Variants in MOB1A observed in about 807,000 individuals in gnomAD.
MOB1A encodes the protein MOB kinase activator 1A.
In MOB1A, 10 loss-of-function variants were observed where a neutral mutation model predicts 25.1. The ratio of observed to expected loss-of-function variants is 0.40; its 90% confidence interval spans 0.25 to 0.68. The LOEUF is 0.68. Ranked by LOEUF, MOB1A falls within the 30% of genes least tolerant of loss-of-function variation. The pLI, the probability that MOB1A is intolerant of heterozygous loss-of-function variation, is 0.40. For synonymous variants in MOB1A, 81 were observed against 79.5 expected (o/e 1.02, Z -0.10); for missense variants, 177 against 256.3 (o/e 0.69, Z 2.11).
intron 4 of MOB1A, chr2:74,164,431 C>T (rs828893): frequency 0.63 from 95,268 of 151,900 alleles, 31,201 homozygotes; most frequent in African/African-American, 0.82. Context: ...GGCATGAGAA[C>T]TGCTTGAACC....
At chr2:74,173,376 G>GTTT (rs35382378) in intron 1 of MOB1A, among the ~76,000 whole-genome samples, 1,015 of 93,238 alleles carry the variant, frequency 0.011, 30 homozygotes, top group Admixed American at 0.03. Flanking sequence ...CTCAATTTCG[G>GTTT]TTTTTTTTTT....
intron 2 of MOB1A, among the ~76,000 whole-genome samples, chr2:74,169,429 G>T (rs1453137295): frequency 6.6e-6 from 1 of 152,116 alleles, no homozygotes; most frequent in East Asian, 1.9e-4. Context: ...TTGAAGCCAG[G>T]AGGCAGCTGC....
chr2:74,178,144 A>C (rs1176365321), intron 1 of MOB1A: 1 of 152,396 alleles, frequency 6.6e-6, no homozygotes, highest in African/African-American at 2.4e-5. Context: ...TTAAAATCAA[A>C]GCCAGTAAGT....
chr2:74,173,376 GTTTTTT>G (rs35382378), intron 1 of MOB1A, among the ~76,000 whole-genome samples: 11 of 93,330 alleles, frequency 1.2e-4, no homozygotes, highest in Admixed American at 1.1e-3. Context: ...CTCAATTTCG[GTTTTTT>G]TTTTTTTTTT....
intron 3 of MOB1A, among the ~76,000 whole-genome samples, chr2:74,165,906 C>T (rs1351490028): frequency 2.0e-5 from 3 of 152,106 alleles, no homozygotes; most frequent in Non-Finnish European, 4.4e-5. Context: ...ATTTTCATTT[C>T]TTTTAAAGCT....
At chr2:74,171,416 T>C (rs1428953021) in intron 2 of MOB1A, among the ~76,000 whole-genome samples, 1 of 152,244 alleles carries the variant, frequency 6.6e-6, no homozygotes, top group Non-Finnish European at 1.5e-5. Flanking sequence ...TTACAAGTTC[T>C]TGTCTTTTAG....
rs1196619895 is a variant in MOB1A at position 74,155,816 on chromosome 2, A to T, written c.*752T>A. ...GCTTTTCAGTTTAAAAGCCTGGAAG[A>T]CCATCCTTAGAAGACATTAAAAAAT... On this transcript the variant is annotated 3_prime_UTR_variant, in exon 6 of 6. Transcript: ENST00000396049. 6.6e-6 allele frequency: 1 copy of T among 152,372 alleles called. No homozygotes were observed. Among genetic ancestry groups the T allele is most frequent in the Admixed American group, 6.5e-5 (1 of 15,276 alleles). 9.4% of individuals were successfully genotyped at this position (152,372 alleles called of 1,614,324 possible).
At chr2:74,174,849 A>G (rs1693404600) in intron 1 of MOB1A, among the ~76,000 whole-genome samples, 1 of 152,264 alleles carries the variant, frequency 6.6e-6, no homozygotes, top group Admixed American at 6.5e-5. Context: ...AAGGAGATGA[A>G]TAGGCAATTC....
intron 4 of MOB1A, chr2:74,164,558 T>G (rs1558833965): frequency 1.3e-5 from 2 of 151,978 alleles, no homozygotes; most frequent in African/African-American, 2.4e-5. Context: ...GAATAAATAT[T>G]TTTATAATCT....
intron 2 of MOB1A, among the ~76,000 whole-genome samples, chr2:74,168,505 T>C (rs936855206): frequency 3.9e-5 from 6 of 152,150 alleles, no homozygotes; most frequent in Non-Finnish European, 5.9e-5. Context: ...TAGTTAGCCA[T>C]GGTGGCACAC....
chr2:74,170,075 G>A (rs1018783298), intron 2 of MOB1A, among the ~76,000 whole-genome samples: 3 of 152,108 alleles, frequency 2.0e-5, no homozygotes, highest in Admixed American at 2.0e-4. Flanking sequence ...TAAGGCTGAA[G>A]GTCAATAAAT....
At chr2:74,170,505 T>A in intron 2 of MOB1A, among the ~76,000 whole-genome samples, 1 of 150,848 alleles carries the variant, frequency 6.6e-6, no homozygotes, top group Non-Finnish European at 1.5e-5. Flanking sequence ...GAGGCCATGG[T>A]GGGTGGATTA....
intron 2 of MOB1A, among the ~76,000 whole-genome samples, chr2:74,170,541 C>A (rs1241115817): frequency 6.6e-6 from 1 of 151,550 alleles, no homozygotes; most frequent in Non-Finnish European, 1.5e-5. Flanking sequence ...TCGAGACCAG[C>A]CTGGCTAACA....
chr2:74,158,196 A>G (rs199967872), intron 5 of MOB1A, among the ~76,000 whole-genome samples: 19 of 119,372 alleles, frequency 1.6e-4, no homozygotes, highest in African/African-American at 4.0e-4. Context: ...AAAAAAAAAG[A>G]GGGGGGAAAA....
At chr2:74,156,743 G>T in intron 5 of MOB1A, 98 bp from the exon 6 acceptor site, 2 of 789,396 alleles carry the variant, frequency 2.5e-6, no homozygotes, top group South Asian at 3.3e-5. Context: ...GTTTTCTGAA[G>T]TCCAAAAGAA....
intron 4 of MOB1A, among the ~76,000 whole-genome samples, chr2:74,160,604 G>A (rs1309334289): frequency 6.6e-6 from 1 of 152,160 alleles, no homozygotes; most frequent in Non-Finnish European, 1.5e-5. Context: ...GGGAGGCTGA[G>A]GCAGAGAATT....
chr2:74,165,578 C>T (rs75182805), intron 3 of MOB1A, among the ~76,000 whole-genome samples: 4 of 152,262 alleles, frequency 2.6e-5, no homozygotes, highest in Non-Finnish European at 5.9e-5. Context: ...GAGGCAATGC[C>T]AGGATAGATG....
chr2:74,163,132 G>A (rs1693020795), intron 4 of MOB1A, among the ~76,000 whole-genome samples: 1 of 152,160 alleles, frequency 6.6e-6, no homozygotes, highest in African/African-American at 2.4e-5. Context: ...ACGGATGTCT[G>A]CCATCATCAC....
At position 74,168,045 on chromosome 2, in the gene MOB1A, G is replaced by A. The variant is rs145919770; in HGVS notation, c.182-938C>T. On this transcript the variant is annotated intron_variant, in intron 2 of 5. Coordinates refer to ENST00000396049, the MANE Select transcript of MOB1A (RefSeq NM_018221.5). ...TCCCAGCTATGTAGGAGGCTGAGGC[G>A]AGAGGACTGCTTGAGCCCAGGAGGC... Among the ~76,000 whole-genome samples the A allele has an allele frequency of 6.4e-3, 977 of 152,260 alleles. 11 individuals carry two copies. Among genetic ancestry groups the A allele is most frequent in the Non-Finnish European group, 8.0e-3 (546 of 68,020 alleles).
Sources: gnomAD v4.1 joint callset for allele counts (sites outside exome capture counted in the v4.1 genomes callset) on GRCh38, gnomAD v4.1.1 for gene constraint, MANE v1.5 for transcripts, NCBI Gene and HGNC (gene_info 2026-07-23, HGNC 2026-07-21) for gene names.